Variants in TNFAIP8 observed in about 807,000 individuals in gnomAD.
TNFAIP8 encodes the protein TNF alpha induced protein 8.
In TNFAIP8, 7 loss-of-function variants were observed where a neutral mutation model predicts 13.3. The observed-to-expected ratio is 0.52, with a 90% CI of 0.30 to 0.99. The LOEUF (loss-of-function observed/expected upper bound fraction) is 0.99, where lower values mean the gene tolerates loss of function less well. Ranked by LOEUF, TNFAIP8 falls within the 50% of genes least tolerant of loss-of-function variation. The pLI is 0.07. For missense variants in TNFAIP8, 258 were observed against 236.9 expected, an observed-to-expected ratio of 1.09 and a Z score of -0.58; for synonymous variants, 94 against 87.6, an observed-to-expected ratio of 1.07 and a Z score of -0.41.
chr5:119,278,376 AGTGTGTGTGTGTGTGTGTGT>A (rs71591297), intron 1 of TNFAIP8, among the ~76,000 whole-genome samples: 77 of 108,238 alleles, frequency 7.1e-4, no homozygotes, highest in African/African-American at 2.7e-3. Context: ...AGAGAGAGAG[AGTGTGTGTGTGTGTGTGTGT>A]GTGTGTGTGT....
At chr5:119,385,026 A>G (rs536081696) in intron 1 of TNFAIP8, among the ~76,000 whole-genome samples, 1 of 152,334 alleles carries the variant, frequency 6.6e-6, no homozygotes, top group East Asian at 1.9e-4. Flanking sequence ...ACAGAGGGAA[A>G]GGCTTCATCC....
At chr5:119,269,713 A>G (rs186321007) in intron 1 of TNFAIP8, among the ~76,000 whole-genome samples, 1 of 152,354 alleles carries the variant, frequency 6.6e-6, no homozygotes, top group Admixed American at 6.5e-5. Context: ...GAAGGAATCA[A>G]ACAGTAGTTC....
intron 1 of TNFAIP8, among the ~76,000 whole-genome samples, chr5:119,320,406 TAAAG>T (rs566011625): frequency 4.6e-5 from 7 of 152,098 alleles, no homozygotes; most frequent in Non-Finnish European, 7.4e-5. Context: ...AAAAACAAGT[TAAAG>T]AAATTTCTCT....
intron 1 of TNFAIP8, among the ~76,000 whole-genome samples, chr5:119,330,646 G>T (rs918785835): frequency 6.6e-6 from 1 of 152,156 alleles, no homozygotes; most frequent in African/African-American, 2.4e-5. Flanking sequence ...CTTTCGCAGG[G>T]TGTGGGGAGA....
At chr5:119,285,203 A>G (rs1748743229) in intron 1 of TNFAIP8, among the ~76,000 whole-genome samples, 1 of 152,234 alleles carries the variant, frequency 6.6e-6, no homozygotes, top group Non-Finnish European at 1.5e-5. Context: ...AATATTGCTG[A>G]GATGCTCAAC....
At chr5:119,351,702 G>T (rs193169304), upstream of TNFAIP8, among the ~76,000 whole-genome samples, 3 of 152,044 alleles carry the variant, frequency 2.0e-5, no homozygotes, top group East Asian at 5.8e-4. Context: ...GTGTATAAAT[G>T]ACTCCACTGT....
chr5:119,325,390 A>C (rs907047924), intron 1 of TNFAIP8, among the ~76,000 whole-genome samples: 2 of 152,184 alleles, frequency 1.3e-5, no homozygotes, highest in African/African-American at 4.8e-5. Context: ...TGGTCTACAT[A>C]TTCTGGCCTT....
chr5:119,386,465 T>C (rs1263355854), intron 1 of TNFAIP8, among the ~76,000 whole-genome samples: 1 of 152,216 alleles, frequency 6.6e-6, no homozygotes. Context: ...ATAAAGGGAA[T>C]CTGGAAGAGT....
At chr5:119,381,816 C>T (rs1030657595) in intron 1 of TNFAIP8, among the ~76,000 whole-genome samples, 4 of 152,026 alleles carry the variant, frequency 2.6e-5, no homozygotes, top group Non-Finnish European at 5.9e-5. Context: ...CCTGTAGTCC[C>T]AGCTACTCAG....
chr5:119,317,661 C>T lies in TNFAIP8; in HGVS notation c.1+48754C>T, dbSNP rs560597590. Among the ~76,000 whole-genome samples, 11 of 151,460 alleles carry T rather than the reference C, an allele frequency of 7.3e-5. No homozygotes were observed. The South Asian group carries it at 2.1e-3, about 29-fold the overall frequency. Reference sequence around the variant, plus strand: ...TTGCCCAGGCTGGAGTGCAGTGGCGCGATTTCGGCTCACTGCAACCTCCAC... The same window carrying T: ...TTGCCCAGGCTGGAGTGCAGTGGCGTGATTTCGGCTCACTGCAACCTCCAC... On this transcript the variant is annotated intron_variant, in intron 1 of 1. Transcript: ENST00000274456.
At chr5:119,336,730 C>T (rs1294492847) in intron 1 of TNFAIP8, among the ~76,000 whole-genome samples, 2 of 152,150 alleles carry the variant, frequency 1.3e-5, no homozygotes, top group Non-Finnish European at 1.5e-5. Flanking sequence ...TTTCTACAGT[C>T]CTAAGAAGTT....
chr5:119,346,352 CAGAA>C (rs1398641566), intron 1 of TNFAIP8, among the ~76,000 whole-genome samples: 1 of 152,104 alleles, frequency 6.6e-6, no homozygotes, highest in Non-Finnish European at 1.5e-5. Flanking sequence ...CAGCAGCCTG[CAGAA>C]AGAGTGTACC....
chr5:119,279,766 T>A (rs1174090895), intron 1 of TNFAIP8, among the ~76,000 whole-genome samples: 1 of 152,168 alleles, frequency 6.6e-6, no homozygotes, highest in African/African-American at 2.4e-5. Flanking sequence ...CATTTTGAAT[T>A]GAGATTGCTC....
upstream of TNFAIP8, among the ~76,000 whole-genome samples, chr5:119,351,247 A>C (rs940146513): frequency 5.3e-5 from 8 of 152,200 alleles, no homozygotes; most frequent in African/African-American, 1.9e-4. Flanking sequence ...AGCTGGTCTC[A>C]AACTTCTGGC....
At chr5:119,358,099 CTTT>C (rs5870854) in intron 1 of TNFAIP8, among the ~76,000 whole-genome samples, 9 of 141,670 alleles carry the variant, frequency 6.4e-5, no homozygotes, top group Admixed American at 7.0e-5. Flanking sequence ...TTATACGTAG[CTTT>C]TTTTTTTTTT....
intron 1 of TNFAIP8, among the ~76,000 whole-genome samples, chr5:119,327,760 C>T (rs1275577499): frequency 6.6e-6 from 1 of 152,020 alleles, no homozygotes; most frequent in East Asian, 1.9e-4. Context: ...TGCCCGGCCG[C>T]GTTATCTTAA....
At position 119,395,552 on chromosome 5, in the gene TNFAIP8, T is replaced by G. The variant is rs1105770; in HGVS notation, c.*2171T>G. 0.67 allele frequency: 101,555 copies of G among 152,084 alleles called. 34,647 individuals carry two copies. The highest frequency in any genetic ancestry group is 0.71 in the African/African-American group (29,615 of 41,476). 9.4% of individuals were successfully genotyped at this position (152,084 alleles called of 1,614,324 possible). ...GCTAGCAATCAAATGTGCATGGGAT[T>G]GGGGGAGCAATGCTTCATCTCCCAC... On this transcript the variant is annotated 3_prime_UTR_variant, in exon 2 of 2. Coordinates refer to ENST00000504771, the MANE Select transcript of TNFAIP8 (RefSeq NM_014350.4).
At chr5:119,387,549 G>A (rs1298652308) in intron 1 of TNFAIP8, among the ~76,000 whole-genome samples, 9 of 152,148 alleles carry the variant, frequency 5.9e-5, no homozygotes, top group Non-Finnish European at 1.0e-4. Flanking sequence ...TTCTCAGTGG[G>A]AGTAGTTATG....
At chr5:119,382,058 A>G (rs76059389) in intron 1 of TNFAIP8, among the ~76,000 whole-genome samples, 26,135 of 152,240 alleles carry the variant, frequency 0.17, 2,885 homozygotes, top group Non-Finnish European at 0.24. Flanking sequence ...TTTCTGACAT[A>G]TAGGTACACT....
Sources: allele counts gnomAD v4.1 joint callset (sites outside exome capture counted in the v4.1 genomes callset), GRCh38; gene constraint gnomAD v4.1.1; transcripts MANE v1.5; gene names NCBI Gene and HGNC (gene_info 2026-07-23, HGNC 2026-07-21).